Variants in SOX5 observed in about 807,000 individuals in gnomAD.
The protein encoded by SOX5 is SRY-box transcription factor 5.
In SOX5, 9 loss-of-function variants were observed where a neutral mutation model predicts 92.0. The observed-to-expected ratio is 0.10, with a 90% CI of 0.06 to 0.17. The LOEUF (loss-of-function observed/expected upper bound fraction) is 0.17, where lower values mean the gene tolerates loss of function less well. Among genes scored for constraint, SOX5 ranks in the 10% least tolerant of loss-of-function variants. The pLI, the probability that SOX5 is intolerant of heterozygous loss-of-function variation, is 1.00. For missense variants in SOX5, 642 were observed against 944.5 expected (o/e 0.68, Z 4.20); for synonymous variants, 344 against 336.3 (o/e 1.02, Z -0.25).
intron 6 of SOX5, among the ~76,000 whole-genome samples, chr12:23,724,474 T>G (rs1012048262): frequency 1.3e-5 from 2 of 152,192 alleles, no homozygotes; most frequent in Non-Finnish European, 2.9e-5. Context: ...CTGTTTATAA[T>G]ATCAAGTCAA....
intron 3 of SOX5, among the ~76,000 whole-genome samples, chr12:24,262,978 C>G (rs929371795): frequency 3.9e-5 from 6 of 151,920 alleles, no homozygotes; most frequent in Non-Finnish European, 8.8e-5. Context: ...TCCCAGCACT[C>G]TGGGAGGCTG....
chr12:23,829,047 A>G (rs1201482282), intron 3 of SOX5, among the ~76,000 whole-genome samples: 2 of 152,052 alleles, frequency 1.3e-5, no homozygotes, highest in Non-Finnish European at 2.9e-5. Flanking sequence ...GCAGGTGGCA[A>G]AGGAAATTCT....
At chr12:23,985,502 A>T (rs1949982957) in intron 4 of SOX5, among the ~76,000 whole-genome samples, 1 of 152,204 alleles carries the variant, frequency 6.6e-6, no homozygotes, top group Non-Finnish European at 1.5e-5. Flanking sequence ...GTTTGTAATT[A>T]AATTGCACTG....
chr12:24,420,939 C>T (rs148965721), intron 1 of SOX5, among the ~76,000 whole-genome samples: 5 of 152,090 alleles, frequency 3.3e-5, no homozygotes, highest in Admixed American at 6.5e-5. Context: ...CCAACAAAAT[C>T]CATACTGTGG....
At chr12:23,679,525 CCATTGCAATAAAATG>C in intron 6 of SOX5, among the ~76,000 whole-genome samples, 1 of 152,284 alleles carries the variant, frequency 6.6e-6, no homozygotes, top group Admixed American at 6.5e-5. Context: ...AGGCTACCTT[CCATTGCAATAAAATG>C]CTAATAAAAA....
chr12:24,063,682 T>C lies in SOX5; in HGVS notation c.-2+149661A>G, dbSNP rs1940152189. ...CACAGATTGAGGAATCTCTGAATAT[T>C]ATAATATACCTGTCACAGGTGAAGA... On this transcript the variant is annotated intron_variant, in intron 4 of 4. Coordinates refer to the SOX5 transcript ENST00000446891. Among the ~76,000 whole-genome samples, 3 of 152,190 alleles carry C rather than the reference T, an allele frequency of 2.0e-5. No homozygotes were observed. In the South Asian group the frequency reaches 6.2e-4, roughly 32 times the overall value.
intron 8 of SOX5, among the ~76,000 whole-genome samples, chr12:23,631,506 T>C (rs143779320): frequency 4.6e-5 from 7 of 152,234 alleles, no homozygotes; most frequent in Non-Finnish European, 7.4e-5. Flanking sequence ...CTCATAGAAT[T>C]ACATCTACTG....
At chr12:23,781,145 C>T (rs1281021243) in intron 3 of SOX5, among the ~76,000 whole-genome samples, 2 of 151,988 alleles carry the variant, frequency 1.3e-5, no homozygotes, top group Non-Finnish European at 1.5e-5. Flanking sequence ...ATTTTGGAAA[C>T]AGGGCACGGT....
At chr12:24,163,410 T>C (rs970765937) in intron 4 of SOX5, among the ~76,000 whole-genome samples, 1 of 152,112 alleles carries the variant, frequency 6.6e-6, no homozygotes, top group African/African-American at 2.4e-5. Context: ...CCAGACCTAT[T>C]TGAAGATACT....
intron 1 of SOX5, among the ~76,000 whole-genome samples, chr12:23,948,830 G>A (rs1023252924): frequency 1.3e-5 from 2 of 152,012 alleles, no homozygotes; most frequent in African/African-American, 2.4e-5. Context: ...TCTCTAAATA[G>A]GAACAACTTA....
intron 3 of SOX5, among the ~76,000 whole-genome samples, chr12:23,820,005 C>A (rs1403357068): frequency 6.6e-6 from 1 of 152,190 alleles, no homozygotes; most frequent in African/African-American, 2.4e-5. Flanking sequence ...GGAATCGCCA[C>A]ACTGTCTTCC....
intron 3 of SOX5, among the ~76,000 whole-genome samples, chr12:24,228,848 C>G (rs1451589323): frequency 1.3e-5 from 2 of 152,170 alleles, no homozygotes; most frequent in African/African-American, 4.8e-5. Flanking sequence ...GAAGGCCACA[C>G]CAGCTTATTT....
intron 6 of SOX5, among the ~76,000 whole-genome samples, chr12:23,703,617 T>A (rs528225565): frequency 5.4e-4 from 82 of 151,956 alleles, no homozygotes; most frequent in African/African-American, 2.0e-3. Flanking sequence ...TCCTTCAAGG[T>A]GACTGAAATT....
chr12:23,818,503 G>A (rs538073869), intron 3 of SOX5, among the ~76,000 whole-genome samples: 1 of 152,254 alleles, frequency 6.6e-6, no homozygotes, highest in East Asian at 1.9e-4. Context: ...GTGAGTGGCA[G>A]GTGAATGTGA....
rs10556060 is a variant in SOX5 at position 24,254,718 on chromosome 12, A to AATAT, written c.-77+22494_-77+22497dup. Among the ~76,000 whole-genome samples the AATAT allele has an allele frequency of 3.1e-4, 45 of 146,690 alleles. 1 individual carries two copies. In the South Asian group the frequency reaches 5.5e-3, roughly 18 times the overall value. Reference sequence around the variant, plus strand: ...TATTCTTTTTTCTTTGGGCTGCTCAAATATATATATATATATATATTTCCT... The same window carrying AATAT: ...TATTCTTTTTTCTTTGGGCTGCTCAAATATATATATATATATATATATATTTCCT... On this transcript the variant is annotated intron_variant, in intron 3 of 4. Coordinates refer to the SOX5 transcript ENST00000446891.
intron 3 of SOX5, among the ~76,000 whole-genome samples, chr12:24,251,854 G>A (rs1297148610): frequency 6.6e-6 from 1 of 151,806 alleles, no homozygotes; most frequent in East Asian, 1.9e-4. Context: ...TTACAGGCAT[G>A]AGCTACTGTG....
chr12:23,945,299 A>G (rs1375583224), intron 1 of SOX5, among the ~76,000 whole-genome samples: 6 of 152,164 alleles, frequency 3.9e-5, no homozygotes, highest in African/African-American at 1.4e-4. Context: ...AAGAACAGGT[A>G]AATACTTTAA....
At chr12:24,195,155 G>A (rs1329590718) in intron 4 of SOX5, among the ~76,000 whole-genome samples, 7 of 148,502 alleles carry the variant, frequency 4.7e-5, no homozygotes, top group African/African-American at 1.2e-4. Context: ...AAAAAAACAC[G>A]AGAAAAATAT....
At chr12:23,727,057 T>C (rs976088311) in intron 6 of SOX5, among the ~76,000 whole-genome samples, 2 of 152,028 alleles carry the variant, frequency 1.3e-5, no homozygotes, top group East Asian at 1.9e-4. Context: ...ATAAAAATAA[T>C]AAAGAAATTT....
Sources: allele counts gnomAD v4.1 joint callset (sites outside exome capture counted in the v4.1 genomes callset), GRCh38; gene constraint gnomAD v4.1.1; transcripts MANE v1.5; gene names NCBI Gene and HGNC (gene_info 2026-07-23, HGNC 2026-07-21).